NIBAN2: variants seen among roughly 807,000 people sequenced by gnomAD.
NIBAN2 encodes niban apoptosis regulator 2.
Under a neutral mutation model 81.8 loss-of-function variants are expected in NIBAN2, and 36 were observed. That is an observed-to-expected ratio of 0.44 (90% confidence interval 0.34 to 0.58). The LOEUF is 0.58. NIBAN2 is among the 20% of genes least tolerant of loss of function. NIBAN2 has a pLI of 0.02. For synonymous variants in NIBAN2, 445 were observed against 441.6 expected, an observed-to-expected ratio of 1.01 and a Z score of -0.10; for missense variants, 897 against 1,014.1, an observed-to-expected ratio of 0.88 and a Z score of 1.57.
chr9:127,527,421 C>A (rs1275216246), intron 2 of NIBAN2, 99 bp from the exon 3 acceptor site: 2 of 1,194,766 alleles, frequency 1.7e-6, no homozygotes, highest in Non-Finnish European at 2.4e-6. Flanking sequence ...GTGCGCACCC[C>A]CTGCCTAGCA....
At chr9:127,532,570 G>A (rs1197992567) in intron 1 of NIBAN2, among the ~76,000 whole-genome samples, 1 of 152,064 alleles carries the variant, frequency 6.6e-6, no homozygotes, top group Non-Finnish European at 1.5e-5. Context: ...TTGCACCACT[G>A]CACTCCAGCC....
chr9:127,530,426 G>A (rs1837156792), intron 2 of NIBAN2, among the ~76,000 whole-genome samples: 1 of 152,186 alleles, frequency 6.6e-6, no homozygotes, highest in South Asian at 2.1e-4. Context: ...GCTGAGGCCT[G>A]TAATCCCAGC....
Position 127,568,901 on chromosome 9 carries a change from G to A in NIBAN2, c.-27C>T. The A allele has an allele frequency of 3.9e-6, 5 of 1,265,852 alleles. No individual in the cohort carries two copies. Among genetic ancestry groups the A allele is most frequent in the Non-Finnish European group, 5.0e-6 (5 of 1,005,990 alleles). 78.4% of individuals were successfully genotyped at this position (1,265,852 alleles called of 1,614,324 possible). A position where few individuals can be genotyped will look rare whatever the true frequency, so the allele number is the denominator to read the frequency against. ...GCCAGGAGGTGTCGCGGCCCGATCC[G>A]GCCGACGCCGCCGCTGTTGCCCGCG... On this transcript the variant is annotated 5_prime_UTR_variant, in exon 1 of 14. Coordinates refer to ENST00000373312, the MANE Select transcript of NIBAN2 (RefSeq NM_022833.4).
chr9:127,530,663 T>C (rs1183872191), intron 2 of NIBAN2, among the ~76,000 whole-genome samples: 2 of 152,258 alleles, frequency 1.3e-5, no homozygotes, highest in African/African-American at 4.8e-5. Flanking sequence ...CCAGTGACAG[T>C]GCCTTCCCTG....
At chr9:127,539,343 C>T (rs1190594037) in intron 1 of NIBAN2, among the ~76,000 whole-genome samples, 2 of 152,166 alleles carry the variant, frequency 1.3e-5, no homozygotes, top group Non-Finnish European at 2.9e-5. Flanking sequence ...TTTCCACTCT[C>T]TTGCTGGGGT....
At position 127,510,333 on chromosome 9, in the gene NIBAN2, G is replaced by C; in HGVS notation, c.974C>G (p.Ala325Gly). The C allele has an allele frequency of 1.9e-6, 3 of 1,594,976 alleles. No homozygotes were observed. Among genetic ancestry groups the C allele is most frequent in the Middle Eastern group, 1.7e-4 (1 of 5,956 alleles). ...CACCTCTGCCTTGGGGAGGATGAAG[G>C]CTGTGCCCCGAGGGAGCCGGGTCAG... ...SKEHLASKIR[A>G]FILPKAEVCV... Residue 325 changes from alanine (A) to glycine (G), a missense_variant and splice_region_variant, in exon 9 of 14, where the codon GCC (alanine) becomes GGC (glycine). Physicochemically the swap from Ala to Gly is moderately conservative, Grantham distance 60. This residue lies in a region of NIBAN2 where 619 missense variants were observed against 691.0 expected (regional missense o/e 0.90). Coordinates refer to ENST00000373312, the MANE Select transcript of NIBAN2 (RefSeq NM_022833.4).
intron 1 of NIBAN2, among the ~76,000 whole-genome samples, chr9:127,541,868 C>T (rs959240234): frequency 2.6e-5 from 4 of 152,098 alleles, no homozygotes; most frequent in African/African-American, 4.8e-5. Flanking sequence ...CTGAGAGAAA[C>T]AGGGCCTATG....
chr9:127,554,548 CTTTTT>C (rs1230242603), intron 1 of NIBAN2, among the ~76,000 whole-genome samples: 4 of 103,688 alleles, frequency 3.9e-5, no homozygotes, highest in Admixed American at 1.1e-4. Flanking sequence ...TTTTCTTTTT[CTTTTT>C]TTTTTTTTTT....
At position 127,507,206 on chromosome 9, in the gene NIBAN2, T is replaced by C; in HGVS notation, c.1880A>G (p.Gln627Arg). 5 of 1,612,986 alleles carry C rather than the reference T, an allele frequency of 3.1e-6. No homozygotes were observed. The highest frequency in any genetic ancestry group is 4.2e-6 in the Non-Finnish European group (5 of 1,179,708). Residue 627 changes from glutamine (Q) to arginine (R), a missense_variant, in exon 14 of 14, where the codon CAG becomes CGG. Gln to Arg is a conservative substitution (Grantham distance 43, BLOSUM62 1). Coordinates refer to ENST00000373312, the MANE Select transcript of NIBAN2 (RefSeq NM_022833.4). The surrounding 1 kb of genome is among the most constrained non-coding windows in gnomAD (Gnocchi z 6.8). ...AAAGGGCAGCCCCACCTCCTCATCC[T>C]GGACCACAGAGACCACCTGCTTGGC... ...RRAKQVVSVV[Q>R]DEEVGLPFEA...
In NIBAN2 at chr9:127,523,761, G is replaced by A. The variant is rs1356123711; in HGVS notation, c.507C>T (p.His169=). The part of the protein sequence containing the change: ...PLILWHPYAR[H]YYFCMMTEAE... ...CTTCTGTCATCATGCAGAAGTAGTA[G>A]TGACGCGCATAAGGATGCCAGAGGA... Residue 169 remains histidine (H), a synonymous_variant, in exon 5 of 14, where the codon CAC becomes CAT. Transcript: ENST00000373312. The A allele has an allele frequency of 1.9e-6, 3 of 1,614,004 alleles. No homozygotes were observed. Among genetic ancestry groups the A allele is most frequent in the African/African-American group, 2.7e-5 (2 of 74,944 alleles).
At chr9:127,573,090 G>A (rs1180848709), upstream of NIBAN2, among the ~76,000 whole-genome samples, 1 of 152,156 alleles carries the variant, frequency 6.6e-6, no homozygotes, top group Non-Finnish European at 1.5e-5. Context: ...TCCATTGTAT[G>A]TATACAGCAA....
At chr9:127,565,946 T>TCTCTCTCTCTCACACACACACA (rs751937125) in intron 1 of NIBAN2, among the ~76,000 whole-genome samples, 1 of 130,558 alleles carries the variant, frequency 7.7e-6, no homozygotes, top group African/African-American at 3.2e-5. Context: ...TCTCTCTCTC[T>TCTCTCTCTCTCACACACACACA]CACACACACA....
chr9:127,527,352 C>A, intron 2 of NIBAN2, 30 bp from the exon 3 acceptor site: 1 of 1,605,872 alleles, frequency 6.2e-7, no homozygotes, highest in Non-Finnish European at 8.5e-7. Context: ...GGGAGTGAGG[C>A]CCAGGTCTGG....
At chr9:127,558,545 A>C (rs1217071603) in intron 1 of NIBAN2, among the ~76,000 whole-genome samples, 1 of 152,134 alleles carries the variant, frequency 6.6e-6, no homozygotes, top group Non-Finnish European at 1.5e-5. Context: ...TCTGGGCCTG[A>C]AAAAGAAAAG....
intron 1 of NIBAN2, among the ~76,000 whole-genome samples, chr9:127,549,391 G>GTA: frequency 6.6e-6 from 1 of 150,720 alleles, no homozygotes; most frequent in East Asian, 1.9e-4. Flanking sequence ...GCACATGCAC[G>GTA]CACACACACT....
At position 127,532,760 on chromosome 9, in the gene NIBAN2, C is replaced by T. The variant is rs148068308; in HGVS notation, c.56-982G>A. The stretch of plus-strand genomic sequence containing the variant: ...AAAAAAATCGCTTTCTGGCCAGGTG[C>T]AGTGGCTCACACCTATAATCCCAGC... On this transcript the variant is annotated intron_variant, in intron 1 of 13. Coordinates refer to ENST00000373312, the MANE Select transcript of NIBAN2 (RefSeq NM_022833.4). Among the ~76,000 whole-genome samples, 993 of 152,024 alleles carry T rather than the reference C, an allele frequency of 6.5e-3. 7 individuals carry two copies. The highest frequency in any genetic ancestry group is 0.023 in the African/African-American group (947 of 41,440).
At position 127,559,534 on chromosome 9, in the gene NIBAN2, G is replaced by A. The variant is rs1304733850; in HGVS notation, c.55+9286C>T. ...AGAGGTGACTGGAGCACGAGTGGGT[G>A]GGCAGCTTCTTCCCAAGGGACTCCT... On this transcript the variant is annotated intron_variant, in intron 1 of 13. Transcript: ENST00000373312. The surrounding 1 kb of genome is among the most constrained non-coding windows in gnomAD (Gnocchi z 4.0). 6.6e-6 allele frequency among the ~76,000 whole-genome samples: 1 copy of A among 152,188 alleles called. No individual in the cohort carries two copies. The highest frequency in any genetic ancestry group is 1.5e-5 in the Non-Finnish European group (1 of 68,022).
intron 1 of NIBAN2, among the ~76,000 whole-genome samples, chr9:127,547,792 G>A (rs914412739): frequency 2.6e-5 from 4 of 152,050 alleles, no homozygotes; most frequent in South Asian, 2.1e-4. Flanking sequence ...AGCAGAGATC[G>A]CACCATTGCA....
chr9:127,531,910 C>T (rs1837191473), intron 1 of NIBAN2, 132 bp from the exon 2 acceptor site: 2 of 1,211,558 alleles, frequency 1.7e-6, no homozygotes, highest in South Asian at 3.1e-5. Context: ...GCTCCTCGCG[C>T]TCATCTGCGC....
Sources: gnomAD v4.1 joint callset for allele counts (sites outside exome capture counted in the v4.1 genomes callset) on GRCh38, gnomAD v4.1.1 for gene constraint, gnomAD v4.1.1 regional missense constraint, Gnocchi (gnomAD v3.1) non-coding constraint, MANE v1.5 for transcripts, NCBI Gene and HGNC (gene_info 2026-07-23, HGNC 2026-07-21) for gene names.